Variants in THUMPD2 observed in about 807,000 individuals in gnomAD.
The protein encoded by THUMPD2 is U6 snRNA (guanine-N(2))-methyltransferase THUMPD2.
In THUMPD2, 56 loss-of-function variants were observed where a neutral mutation model predicts 49.4. The observed-to-expected ratio is 1.13, with a 90% CI of 0.91 to 1.41. THUMPD2 has a LOEUF of 1.41. Among genes scored for constraint, THUMPD2 ranks in the 40% most tolerant of loss-of-function variants. The pLI is 0.00. For synonymous variants in THUMPD2, 237 were observed against 205.2 expected, an observed-to-expected ratio of 1.15 and a Z score of -1.32; for missense variants, 709 against 594.5, an observed-to-expected ratio of 1.19 and a Z score of -2.00.
intron 3 of THUMPD2, chr2:39,768,779 A>C: frequency 5.3e-5 from 42 of 791,300 alleles, no homozygotes; most frequent in Non-Finnish European, 7.6e-5. Context: ...TAACTAGATT[A>C]TGACCTGATA....
intron 8 of THUMPD2, among the ~76,000 whole-genome samples, chr2:39,750,169 CACCA>C (rs1295236214): frequency 6.6e-6 from 1 of 152,300 alleles, no homozygotes; most frequent in African/African-American, 2.4e-5. Context: ...TTTGAGGAAT[CACCA>C]CACTGTCTTC....
At chr2:39,761,524 C>G (rs1676821929) in intron 5 of THUMPD2, 106 bp from the exon 6 acceptor site, 3 of 1,063,350 alleles carry the variant, frequency 2.8e-6, no homozygotes, top group Non-Finnish European at 4.2e-6. Flanking sequence ...ATTCATCCAA[C>G]ATACACTAAA....
At chr2:39,778,939 G>T (rs997652686) in intron 1 of THUMPD2, among the ~76,000 whole-genome samples, 175 bp downstream of exon 1, 2 of 152,356 alleles carry the variant, frequency 1.3e-5, no homozygotes, top group African/African-American at 4.8e-5. Context: ...AGAAAGGAAT[G>T]GTGGCTTCTC....
intron 5 of THUMPD2, among the ~76,000 whole-genome samples, chr2:39,765,105 G>GT (rs1434672659): frequency 6.6e-6 from 1 of 151,966 alleles, no homozygotes; most frequent in East Asian, 1.9e-4. Flanking sequence ...TTATTTGGTG[G>GT]TAAGAATCTA....
At chr2:39,739,820 G>A (rs1456619273) in intron 9 of THUMPD2, among the ~76,000 whole-genome samples, 1 of 152,214 alleles carries the variant, frequency 6.6e-6, no homozygotes, top group Admixed American at 6.5e-5. Flanking sequence ...ACTGAGCAAG[G>A]AAGAAGTGGA....
At position 39,769,995 on chromosome 2, in the gene THUMPD2, A is replaced by T. The variant is rs756981666; in HGVS notation, c.387T>A (p.Asp129Glu). 9 of 1,576,664 alleles carry T rather than the reference A, an allele frequency of 5.7e-6. No homozygotes were observed. In the South Asian group the frequency reaches 1.1e-4, roughly 19 times the overall value. ...DAKKEKLSQR[D>E]DNQLKRKVGE... ...CCACTTTTCTTTTTAGTTGGTTATC[A>T]TCTCTCTGAGAAAGTTTTTCCTTTT... Residue 129 changes from aspartate (D) to glutamate (E), a missense_variant, in exon 3 of 10, where the codon GAT becomes GAA. Physicochemically the swap from Asp to Glu is conservative, Grantham distance 45 (BLOSUM62 2). Transcript: ENST00000505747.
chr2:39,748,748 G>T (rs548543652), intron 8 of THUMPD2, among the ~76,000 whole-genome samples: 2 of 151,908 alleles, frequency 1.3e-5, no homozygotes, highest in African/African-American at 2.4e-5. Context: ...CCAGCACTCC[G>T]GGAGGCTGAG....
At chr2:39,771,922 C>T (rs1044231344) in intron 1 of THUMPD2, among the ~76,000 whole-genome samples, 2 of 152,104 alleles carry the variant, frequency 1.3e-5, no homozygotes, top group African/African-American at 4.8e-5. Flanking sequence ...TATTGAAGAC[C>T]TACCTGTAGG....
At chr2:39,738,805 T>C (rs1022478559) in intron 9 of THUMPD2, among the ~76,000 whole-genome samples, 1 of 151,900 alleles carries the variant, frequency 6.6e-6, no homozygotes, top group African/African-American at 2.4e-5. Flanking sequence ...CAGGAGCAGA[T>C]GCTCGTCTGC....
At chr2:39,756,284 G>A (rs534583229) in intron 6 of THUMPD2, among the ~76,000 whole-genome samples, 98 of 152,160 alleles carry the variant, frequency 6.4e-4, no homozygotes, top group African/African-American at 2.4e-3. Context: ...GAGTATGTGG[G>A]CATAGATTCT....
At chr2:39,756,593 GC>G (rs1393122521) in intron 6 of THUMPD2, among the ~76,000 whole-genome samples, 3 of 152,134 alleles carry the variant, frequency 2.0e-5, no homozygotes, top group African/African-American at 7.2e-5. Flanking sequence ...TGACTGGAGG[GC>G]CCCGTGGGGT....
intron 8 of THUMPD2, among the ~76,000 whole-genome samples, chr2:39,748,549 G>A (rs1177678115): frequency 3.3e-5 from 5 of 152,046 alleles, no homozygotes; most frequent in South Asian, 4.1e-4. Context: ...TTAGCTGGGC[G>A]TGGTAGCATG....
intron 5 of THUMPD2, among the ~76,000 whole-genome samples, chr2:39,764,473 A>T (rs1050661326): frequency 6.6e-6 from 1 of 152,238 alleles, no homozygotes; most frequent in Non-Finnish European, 1.5e-5. Context: ...CAACAGCTAT[A>T]TACAGTTAAT....
Position 39,768,422 on chromosome 2 carries a change from A to T in THUMPD2, c.750+2T>A. The T allele has an allele frequency of 6.2e-7, 1 of 1,607,436 alleles. No homozygotes were observed. The highest frequency in any genetic ancestry group is 8.5e-7 in the Non-Finnish European group (1 of 1,175,704). The stretch of plus-strand genomic sequence containing the variant: ...ATATAAAATAAAACAAATACTCATT[A>T]CCTCTAATTGTGGATTCCTCAAGTC... On this transcript the variant is annotated splice_donor_variant, in intron 4 of 9. Transcript: ENST00000505747. LOFTEE classifies it high-confidence loss of function.
intron 5 of THUMPD2, among the ~76,000 whole-genome samples, chr2:39,765,309 G>A (rs1479220736): frequency 1.3e-5 from 2 of 151,996 alleles, no homozygotes; most frequent in Non-Finnish European, 2.9e-5. Flanking sequence ...ACAGGTGCCT[G>A]CTACCATACC....
chr2:39,776,041 G>C (rs6544243), intron 1 of THUMPD2, among the ~76,000 whole-genome samples: 8,177 of 152,074 alleles, frequency 0.054, 750 homozygotes, highest in African/African-American at 0.19. Context: ...TGACATTAGA[G>C]ATATCTCTAC....
chr2:39,753,038 C>G (rs890693670), intron 8 of THUMPD2, among the ~76,000 whole-genome samples: 28 of 152,134 alleles, frequency 1.8e-4, no homozygotes, highest in African/African-American at 6.8e-4. Flanking sequence ...TCCTCCTTTT[C>G]ATTTGATCTT....
chr2:39,755,200 C>T, intron 8 of THUMPD2, 95 bp downstream of exon 8: 2 of 820,432 alleles, frequency 2.4e-6, no homozygotes, highest in Non-Finnish European at 1.8e-6. Flanking sequence ...AAGGGTAAAA[C>T]CAACCTTTAC....
chr2:39,750,795 G>C (rs1321864557), intron 8 of THUMPD2, among the ~76,000 whole-genome samples: 1 of 152,214 alleles, frequency 6.6e-6, no homozygotes. Context: ...CATTTGGTCA[G>C]TGATATCGCC....
Sources: allele counts gnomAD v4.1 joint callset (sites outside exome capture counted in the v4.1 genomes callset), GRCh38; gene constraint gnomAD v4.1.1; transcripts MANE v1.5; gene names NCBI Gene and HGNC (gene_info 2026-07-23, HGNC 2026-07-21).